Variants in CAMK2B observed in about 807,000 individuals in gnomAD.
CAMK2B encodes the protein calcium/calmodulin dependent protein kinase II beta.
Under a neutral mutation model 93.7 loss-of-function variants are expected in CAMK2B, and 27 were observed. The ratio of observed to expected loss-of-function variants is 0.29; its 90% confidence interval spans 0.21 to 0.40. The LOEUF is 0.40. CAMK2B is among the 10% of genes least tolerant of loss of function. CAMK2B has a pLI of 1.00. For synonymous variants in CAMK2B, 374 were observed against 358.8 expected (o/e 1.04, Z -0.48); for missense variants, 568 against 895.8 (o/e 0.63, Z 4.67).
intron 3 of CAMK2B, among the ~76,000 whole-genome samples, chr7:44,260,829 T>C (rs1431921720): frequency 6.6e-6 from 1 of 151,966 alleles, no homozygotes; most frequent in Non-Finnish European, 1.5e-5. Context: ...CAGCCCAGCC[T>C]TCTCCTCTCT....
In CAMK2B at chr7:44,223,173, G is replaced by A. The variant is rs533334579; in HGVS notation, c.1598-2272C>T. ...ATGTGTGTGTGCAGTGCCTATGAGCGTGCACGTGTCGTGTGTGCCTGTGTT... is the reference window on the plus strand; with the variant it reads ...ATGTGTGTGTGCAGTGCCTATGAGCATGCACGTGTCGTGTGTGCCTGTGTT... On this transcript the variant is annotated intron_variant, in intron 20 of 23. Transcript: ENST00000395749. 2.6e-5 allele frequency among the ~76,000 whole-genome samples: 4 copies of A among 152,322 alleles called. No homozygotes were observed. The East Asian group carries it at 5.8e-4, about 22-fold the overall frequency.
intron 2 of CAMK2B, among the ~76,000 whole-genome samples, chr7:44,270,513 G>C (rs761648183): frequency 1.4e-4 from 21 of 152,240 alleles, no homozygotes; most frequent in Non-Finnish European, 2.6e-4. Flanking sequence ...TCTGGCTGAA[G>C]GTGCTGTGAT....
rs185363557 is a variant in CAMK2B at position 44,258,193 on chromosome 7, C to T, written c.275+679G>A. 1.9e-3 allele frequency among the ~76,000 whole-genome samples: 291 copies of T among 152,350 alleles called. 2 individuals carry two copies. Among genetic ancestry groups the T allele is most frequent in the African/African-American group, 6.6e-3 (273 of 41,580 alleles). On this transcript the variant is annotated intron_variant, in intron 4 of 23. Transcript: ENST00000395749. The stretch of plus-strand genomic sequence containing the variant: ...CACCTTCTCACTGAGCTACTGCACA[C>T]GCACTCATGAAACACTCACACATGC...
intron 2 of CAMK2B, among the ~76,000 whole-genome samples, chr7:44,275,854 C>A (rs1019058767): frequency 3.3e-5 from 5 of 152,240 alleles, no homozygotes; most frequent in African/African-American, 9.6e-5. Context: ...GGGTCCCTTC[C>A]CCATAATCCC....
chr7:44,227,767 G>GGGTGTGGGGGACAGA (rs1583843977), intron 19 of CAMK2B, among the ~76,000 whole-genome samples: 1 of 6,342 alleles, frequency 1.6e-4, no homozygotes. Context: ...GGGGGACAGA[G>GGGTGTGGGGGACAGA]GGAGAGTCTG....
At chr7:44,314,608 CAT>C (rs1794396352) in intron 1 of CAMK2B, among the ~76,000 whole-genome samples, 1 of 152,168 alleles carries the variant, frequency 6.6e-6, no homozygotes, top group Non-Finnish European at 1.5e-5. Context: ...TTTGTGTGGA[CAT>C]ATGTTTTCAT....
chr7:44,278,844 G>C (rs976289818), intron 2 of CAMK2B, among the ~76,000 whole-genome samples: 2 of 152,238 alleles, frequency 1.3e-5, no homozygotes, highest in African/African-American at 4.8e-5. Context: ...AGGGGATGAG[G>C]TTCCCTCAAA....
rs77910621 is a variant in CAMK2B at position 44,274,441 on chromosome 7, G to A, written c.160+9690C>T. Among the ~76,000 whole-genome samples, 1,255 of 152,262 alleles carry A rather than the reference G, an allele frequency of 8.2e-3. 38 individuals carry two copies. Among genetic ancestry groups the A allele is most frequent in the East Asian group, 0.062 (318 of 5,170 alleles). On this transcript the variant is annotated intron_variant, in intron 2 of 23. Transcript: ENST00000395749. ...CATCAGCAGCCAGACCAGCACAACA[G>A]AGACCAAAGCTCTGCCATTCCCAAG...
chr7:44,300,853 C>T (rs1389635916), intron 1 of CAMK2B, among the ~76,000 whole-genome samples: 1 of 152,172 alleles, frequency 6.6e-6, no homozygotes, highest in Non-Finnish European at 1.5e-5. Flanking sequence ...TCACATGGAA[C>T]AATCACCAAG....
At chr7:44,316,572 G>T (rs1794879073) in intron 1 of CAMK2B, among the ~76,000 whole-genome samples, 1 of 152,126 alleles carries the variant, frequency 6.6e-6, no homozygotes, top group African/African-American at 2.4e-5. Context: ...CTTTTTGGGG[G>T]AGCTTGTAAA....
intron 11 of CAMK2B, 133 bp from the exon 12 acceptor site, chr7:44,240,882 T>C (rs2096671581): frequency 1.1e-6 from 1 of 894,564 alleles, no homozygotes. Flanking sequence ...ACCTCAGCCT[T>C]CCAGAGAGGC....
At chr7:44,300,819 G>A (rs1033563109) in intron 1 of CAMK2B, among the ~76,000 whole-genome samples, 1 of 152,208 alleles carries the variant, frequency 6.6e-6, no homozygotes, top group Admixed American at 6.5e-5. Flanking sequence ...TCCAACAACG[G>A]CAGAATACAT....
intron 2 of CAMK2B, among the ~76,000 whole-genome samples, chr7:44,276,996 C>A (rs1216845146): frequency 1.3e-5 from 2 of 152,180 alleles, no homozygotes; most frequent in African/African-American, 2.4e-5. Flanking sequence ...CATTCCAGGG[C>A]ACGGACCCTG....
chr7:44,294,875 T>A (rs1358831606), intron 1 of CAMK2B, among the ~76,000 whole-genome samples: 2 of 152,120 alleles, frequency 1.3e-5, no homozygotes, highest in Non-Finnish European at 1.5e-5. Flanking sequence ...AACAGCTGAG[T>A]CAGATACACA....
intron 1 of CAMK2B, among the ~76,000 whole-genome samples, chr7:44,288,337 C>T (rs566713288): frequency 3.0e-4 from 46 of 152,268 alleles, no homozygotes; most frequent in African/African-American, 1.1e-3. Context: ...GATGACACTG[C>T]AGGTGCATAG....
intron 1 of CAMK2B, among the ~76,000 whole-genome samples, chr7:44,313,637 T>C (rs1794129822): frequency 1.3e-5 from 2 of 150,782 alleles, no homozygotes; most frequent in Non-Finnish European, 1.5e-5. Flanking sequence ...AGACGGCATC[T>C]TCCCCTGTGC....
chr7:44,241,619 A>AC, intron 11 of CAMK2B, 81 bp downstream of exon 11: 2 of 1,103,338 alleles, frequency 1.8e-6, no homozygotes, highest in South Asian at 1.3e-5. Context: ...GTCTGCCCAG[A>AC]CCCCCCAAGG....
chr7:44,253,339 G>A (rs538504277), intron 5 of CAMK2B, among the ~76,000 whole-genome samples: 4 of 150,228 alleles, frequency 2.7e-5, no homozygotes, highest in Non-Finnish European at 3.0e-5. Flanking sequence ...TCAGCCTCCC[G>A]AGTAGCTGGG....
At chr7:44,294,659 T>G (rs1787798828) in intron 1 of CAMK2B, among the ~76,000 whole-genome samples, 1 of 152,260 alleles carries the variant, frequency 6.6e-6, no homozygotes, top group Admixed American at 6.5e-5. Context: ...CCTGGCCCTC[T>G]GCTCCTCATC....
Sources: allele counts gnomAD v4.1 joint callset (sites outside exome capture counted in the v4.1 genomes callset), GRCh38; gene constraint gnomAD v4.1.1; transcripts MANE v1.5; gene names NCBI Gene and HGNC (gene_info 2026-07-23, HGNC 2026-07-21).